ZNF609: variants seen among roughly 807,000 people sequenced by gnomAD.
ZNF609 encodes the protein zinc finger protein 609.
ZNF609 carries 11 observed loss-of-function variants against 109.5 expected under a neutral mutation model. That is an observed-to-expected ratio of 0.10 (90% confidence interval 0.06 to 0.17). ZNF609 has a LOEUF of 0.17. Among genes scored for constraint, ZNF609 ranks in the 10% least tolerant of loss-of-function variants. The probability of loss-of-function intolerance (pLI) is 1.00; values close to 1 mark genes in which losing one functional copy is unlikely to be tolerated. For missense variants in ZNF609, 1,559 were observed against 1,772.4 expected, an observed-to-expected ratio of 0.88 and a Z score of 2.16; for synonymous variants, 646 against 662.0, an observed-to-expected ratio of 0.98 and a Z score of 0.37.
chr15:64,636,331 A>C (rs147909146), intron 3 of ZNF609, among the ~76,000 whole-genome samples: 1 of 152,192 alleles, frequency 6.6e-6, no homozygotes, highest in Non-Finnish European at 1.5e-5. Context: ...GCAACAAGCT[A>C]TATGACAAAA....
intron 3 of ZNF609, among the ~76,000 whole-genome samples, chr15:64,654,607 G>T (rs1012031265): frequency 6.6e-6 from 1 of 151,976 alleles, no homozygotes; most frequent in Non-Finnish European, 1.5e-5. Flanking sequence ...TTATTTCTGC[G>T]TGTGTTTATC....
intron 2 of ZNF609, among the ~76,000 whole-genome samples, chr15:64,522,552 A>G (rs1893907372): frequency 6.6e-6 from 1 of 152,124 alleles, no homozygotes; most frequent in African/African-American, 2.4e-5. Context: ...TCTCAAACCA[A>G]TTTTTTATCT....
rs1439087365 is a variant in ZNF609 at position 64,674,257 on chromosome 15, T to C, written c.1403T>C (p.Met468Thr). 2.5e-6 allele frequency: 4 copies of C among 1,614,184 alleles called. No individual in the cohort carries two copies. Among genetic ancestry groups the C allele is most frequent in the Non-Finnish European group, 3.4e-6 (4 of 1,180,034 alleles). The change falls in exon 5 of 10, where the codon ATG (methionine) becomes ACG (threonine). Residue 468 changes from methionine to threonine, a missense_variant. Met to Thr is a moderately conservative substitution (Grantham distance 81, BLOSUM62 -1). Around this residue, in one of 4 missense-constraint regions of ZNF609, gnomAD observed 1,204 missense variants for 1,314.1 expected, o/e 0.92. Coordinates refer to ENST00000326648, the MANE Select transcript of ZNF609 (RefSeq NM_015042.2). Reference sequence around the variant, plus strand: ...AGCAAGCGTGTCCGTACTAATTCCATGGGCTCAGCCACTGGCCCCCTTCCT... The same window carrying C: ...AGCAAGCGTGTCCGTACTAATTCCACGGGCTCAGCCACTGGCCCCCTTCCT... ...KGSKRVRTNSMGSATGPLPGT... is the reference protein window; with the variant it reads ...KGSKRVRTNSTGSATGPLPGT...
rs540972180 is a variant in ZNF609 at position 64,685,573 on chromosome 15, G to A, written c.*3887G>A. 1 of 153,060 alleles carries A rather than the reference G, an allele frequency of 6.5e-6. No homozygotes were observed. Among genetic ancestry groups the A allele is most frequent in the South Asian group, 2.1e-4 (1 of 4,832 alleles). The allele number at this position is 153,060 out of a possible 1,614,324, so 9.5% of individuals were successfully genotyped here. On this transcript the variant is annotated 3_prime_UTR_variant, in exon 10 of 10. Transcript: ENST00000326648. ...ATTTCCATTCACCGAAGTGGCTTTG[G>A]ACCCCTGGGTACTCTGGGACCTGTT...
At chr15:64,633,942 G>A (rs1019041451) in intron 3 of ZNF609, among the ~76,000 whole-genome samples, 1 of 151,776 alleles carries the variant, frequency 6.6e-6, no homozygotes, top group African/African-American at 2.4e-5. Flanking sequence ...TATAGCCACC[G>A]TGCCTGGCCA....
At chr15:64,535,501 C>T (rs1251216550) in intron 2 of ZNF609, among the ~76,000 whole-genome samples, 1 of 152,094 alleles carries the variant, frequency 6.6e-6, no homozygotes, top group Non-Finnish European at 1.5e-5. Flanking sequence ...AGATATACCA[C>T]AGTTTGTTTT....
In ZNF609 at chr15:64,538,239, A is replaced by G. The variant is rs1057029703; in HGVS notation, c.747+38073A>G. Among the ~76,000 whole-genome samples the G allele has an allele frequency of 3.3e-5, 5 of 152,328 alleles. No homozygotes were observed. The East Asian group carries it at 9.6e-4, about 29-fold the overall frequency. On this transcript the variant is annotated intron_variant, in intron 2 of 9. Coordinates refer to ENST00000326648, the MANE Select transcript of ZNF609 (RefSeq NM_015042.2). ...ATTTCCCTCAAAAATATTTCTAGTG[A>G]TAAGATGTTCAAATAGTATATTGAG...
chr15:64,637,994 TTATATATA>T (rs3057845), intron 3 of ZNF609, among the ~76,000 whole-genome samples: 4 of 134,350 alleles, frequency 3.0e-5, no homozygotes, highest in African/African-American at 1.1e-4. Context: ...GAACCTTGTT[TTATATATA>T]TATATATATA....
At chr15:64,480,232 C>T (rs1261957806) in intron 1 of ZNF609, among the ~76,000 whole-genome samples, 2 of 149,862 alleles carry the variant, frequency 1.3e-5, no homozygotes, top group Admixed American at 6.7e-5. Context: ...GAGCAAGACT[C>T]CATCTCCAAA....
chr15:64,483,905 C>T (rs1461634283), intron 1 of ZNF609, among the ~76,000 whole-genome samples: 4 of 152,152 alleles, frequency 2.6e-5, no homozygotes, highest in Non-Finnish European at 5.9e-5. Context: ...TGTTATTACA[C>T]ATCTAGGGAG....
At chr15:64,532,850 G>A (rs1894080964) in intron 2 of ZNF609, among the ~76,000 whole-genome samples, 1 of 152,146 alleles carries the variant, frequency 6.6e-6, no homozygotes, top group Non-Finnish European at 1.5e-5. Context: ...GAGGACTGGG[G>A]CTTCAGCCTT....
chr15:64,483,374 G>A (rs978208392), intron 1 of ZNF609, among the ~76,000 whole-genome samples: 2 of 151,948 alleles, frequency 1.3e-5, no homozygotes, highest in African/African-American at 2.4e-5. Flanking sequence ...GATTACAGGC[G>A]TGAGCCACCA....
intron 2 of ZNF609, among the ~76,000 whole-genome samples, chr15:64,583,045 C>T (rs1317540644): frequency 2.7e-5 from 4 of 150,592 alleles, no homozygotes; most frequent in South Asian, 2.1e-4. Flanking sequence ...GCCACCACGC[C>T]GGGCCAAGAC....
intron 2 of ZNF609, among the ~76,000 whole-genome samples, chr15:64,565,553 A>G (rs992359226): frequency 1.3e-5 from 2 of 152,202 alleles, no homozygotes; most frequent in African/African-American, 4.8e-5. Flanking sequence ...ATTTTTGTAA[A>G]TGAATTTATT....
chr15:64,549,491 A>G (rs999713022), intron 2 of ZNF609, among the ~76,000 whole-genome samples: 1 of 152,168 alleles, frequency 6.6e-6, no homozygotes, highest in South Asian at 2.1e-4. Flanking sequence ...TAAGAAGTGT[A>G]TGTATATTTA....
chr15:64,535,241 G>A (rs998110618), intron 2 of ZNF609, among the ~76,000 whole-genome samples: 1 of 151,986 alleles, frequency 6.6e-6, no homozygotes, highest in African/African-American at 2.4e-5. Flanking sequence ...GTAGATATGA[G>A]GTCTTGCTAT....
intron 2 of ZNF609, among the ~76,000 whole-genome samples, chr15:64,599,164 G>A (rs980381848): frequency 2.3e-5 from 3 of 128,748 alleles, no homozygotes; most frequent in African/African-American, 9.2e-5. Context: ...GTTATTTTGT[G>A]GTGGTTTTTT....
At chr15:64,629,205 G>A (rs1307600082) in intron 3 of ZNF609, among the ~76,000 whole-genome samples, 4 of 152,044 alleles carry the variant, frequency 2.6e-5, no homozygotes, top group South Asian at 4.2e-4. Context: ...CTGAAATATC[G>A]GTCAATTCAG....
At chr15:64,609,202 ACTTT>A (rs1895674775) in intron 2 of ZNF609, among the ~76,000 whole-genome samples, 1 of 105,684 alleles carries the variant, frequency 9.5e-6, no homozygotes, top group Non-Finnish European at 2.1e-5. Flanking sequence ...CCTTTCTTTT[ACTTT>A]CTTTCTTATC....
Sources: gnomAD v4.1 joint callset for allele counts (sites outside exome capture counted in the v4.1 genomes callset) on GRCh38, gnomAD v4.1.1 for gene constraint, gnomAD v4.1.1 regional missense constraint, MANE v1.5 for transcripts, NCBI Gene and HGNC (gene_info 2026-07-23, HGNC 2026-07-21) for gene names.